IL7R: variants seen among roughly 807,000 people sequenced by gnomAD.
IL7R encodes interleukin-7 receptor subunit alpha.
A neutral mutation model predicts 47.0 loss-of-function variants in IL7R; 38 were observed. The observed-to-expected ratio is 0.81, with a 90% CI of 0.62 to 1.06. IL7R has a LOEUF of 1.06. Among genes scored for constraint, IL7R ranks in the 50% least tolerant of loss-of-function variants. IL7R has a pLI of 0.00. For synonymous variants in IL7R, 221 were observed against 199.8 expected (o/e 1.11, Z -0.89); for missense variants, 633 against 534.8 (o/e 1.18, Z -1.81).
At chr5:35,858,068 T>C (rs1759703451) in intron 1 of IL7R, among the ~76,000 whole-genome samples, 1 of 152,160 alleles carries the variant, frequency 6.6e-6, no homozygotes, top group Non-Finnish European at 1.5e-5. Flanking sequence ...TATTCTATGC[T>C]AAACTTTGCC....
intron 3 of IL7R, among the ~76,000 whole-genome samples, chr5:35,869,007 A>T (rs1321986406): frequency 6.6e-6 from 1 of 152,148 alleles, no homozygotes; most frequent in Non-Finnish European, 1.5e-5. Flanking sequence ...TGGAAGGGGT[A>T]GTGTGAGTCT....
At chr5:35,866,555 A>G (rs1270758224) in intron 2 of IL7R, among the ~76,000 whole-genome samples, 1 of 152,120 alleles carries the variant, frequency 6.6e-6, no homozygotes, top group Non-Finnish European at 1.5e-5. Flanking sequence ...GGGGAAGTTT[A>G]TTGATAATAA....
At chr5:35,866,884 T>C (rs950082799) in intron 2 of IL7R, among the ~76,000 whole-genome samples, 6 of 152,182 alleles carry the variant, frequency 3.9e-5, no homozygotes, top group Admixed American at 6.5e-5. Context: ...TAACCCTTTA[T>C]ACTATGTTAT....
In IL7R at chr5:35,873,461, A is replaced by G. The variant is rs1268794441; in HGVS notation, c.538-19A>G. 6.2e-7 allele frequency: 1 copy of G among 1,609,842 alleles called. No homozygotes were observed. Among genetic ancestry groups the G allele is most frequent in the African/African-American group, 1.3e-5 (1 of 74,820 alleles). Reference sequence around the variant, plus strand: ...CCTCTTTTCCCATCCTAAGAATGTAACTGCACTCTACTCTCTAGCATGTGA... The same window carrying G: ...CCTCTTTTCCCATCCTAAGAATGTAGCTGCACTCTACTCTCTAGCATGTGA... On this transcript the variant is annotated intron_variant, in intron 4 of 7. Transcript: ENST00000303115.
intron 4 of IL7R, among the ~76,000 whole-genome samples, chr5:35,872,941 T>C (rs1760106692): frequency 6.6e-6 from 1 of 151,836 alleles, no homozygotes; most frequent in Non-Finnish European, 1.5e-5. Context: ...TCAATAAATA[T>C]ATGAAAATGA....
chr5:35,862,160 T>C (rs1759836894), intron 2 of IL7R, among the ~76,000 whole-genome samples: 1 of 152,154 alleles, frequency 6.6e-6, no homozygotes, highest in Non-Finnish European at 1.5e-5. Flanking sequence ...GAATAAAATA[T>C]GTCAAAAGAA....
intron 2 of IL7R, among the ~76,000 whole-genome samples, chr5:35,864,488 C>T (rs10044838): frequency 0.69 from 104,369 of 152,040 alleles, 36,576 homozygotes; most frequent in African/African-American, 0.8. Context: ...TTCTACTCTC[C>T]TTCCAGCGAT....
At chr5:35,869,339 G>A (rs1445894195) in intron 3 of IL7R, among the ~76,000 whole-genome samples, 2 of 152,128 alleles carry the variant, frequency 1.3e-5, no homozygotes, top group Non-Finnish European at 2.9e-5. Flanking sequence ...CTGAAGTATT[G>A]CTTGATGAAT....
chr5:35,863,730 C>T (rs2149897262), intron 2 of IL7R, among the ~76,000 whole-genome samples: 1 of 152,230 alleles, frequency 6.6e-6, no homozygotes, highest in East Asian at 1.9e-4. Flanking sequence ...AAATTGGTAA[C>T]TGTGTTTATC....
chr5:35,863,164 A>G (rs1759860560), intron 2 of IL7R, among the ~76,000 whole-genome samples: 2 of 152,282 alleles, frequency 1.3e-5, no homozygotes, highest in South Asian at 2.1e-4. Flanking sequence ...AAAAGATAGC[A>G]GTTAACAAAA....
chr5:35,868,737 A>G (rs1326654890), intron 3 of IL7R, among the ~76,000 whole-genome samples: 13 of 152,180 alleles, frequency 8.5e-5, no homozygotes, highest in Non-Finnish European at 1.8e-4. Flanking sequence ...CAGTCTTCTG[A>G]CAAGGTCCTG....
chr5:35,873,795 GC>G (rs1226677730), intron 5 of IL7R, 147 bp downstream of exon 5: 1 of 786,004 alleles, frequency 1.3e-6, no homozygotes, highest in African/African-American at 1.7e-5. Flanking sequence ...AGAATGACTT[GC>G]CTGCTGTCTT....
In IL7R at chr5:35,871,119, TG is replaced by T; in HGVS notation, c.444del (p.Thr149HisfsTer12). On this transcript the variant is annotated frameshift_variant, in exon 4 of 8. Coordinates refer to ENST00000303115, the MANE Select transcript of IL7R (RefSeq NM_002185.5). LOFTEE classifies it high-confidence loss of function. ...CGGGAAGGAGCCAATGACTTTGTGG[TG>T]ACATTTAATACATCACACTTGCAAA... Reference protein sequence around the residue: ...VYREGANDFVVTFNTSHLQKK... With the variant: ...VYREGANDFVXTFNTSHLQKK... 6.2e-7 allele frequency: 1 copy of T among 1,611,966 alleles called. No homozygotes were observed. The highest frequency in any genetic ancestry group is 8.5e-7 in the Non-Finnish European group (1 of 1,177,992).
rs572371508 is a variant in IL7R at position 35,878,659 on chromosome 5, G to A, written c.*2173G>A. 4.3e-6 allele frequency: 1 copy of A among 232,708 alleles called. No individual in the cohort carries two copies. Among genetic ancestry groups the A allele is most frequent in the South Asian group, 1.8e-4 (1 of 5,504 alleles). The allele number at this position is 232,708 out of a possible 1,614,324, so 14.4% of individuals were successfully genotyped here. ...GAGGCTCCACAAAATCTCATGCCAG[G>A]TCTCTGATACCTTATTCACAGAAGT... is the stretch of plus-strand genomic sequence containing the variant. On this transcript the variant is annotated 3_prime_UTR_variant, in exon 8 of 8. Transcript: ENST00000303115.
rs1759884659 is a variant in IL7R, at chr5:35,864,155, C to T, written c.222-3151C>T. On this transcript the variant is annotated intron_variant, in intron 2 of 7. Transcript: ENST00000303115. ...CTCTTTATTCTTTTCTGTCTTCTTT[C>T]ATTTAACCAGTGTTTGTGAGAGTTA... 2.0e-5 allele frequency among the ~76,000 whole-genome samples: 3 copies of T among 152,088 alleles called. No homozygotes were observed. The South Asian group carries it at 6.2e-4, about 32-fold the overall frequency.
chr5:35,872,225 G>T (rs1289705796), intron 4 of IL7R, among the ~76,000 whole-genome samples: 1 of 152,136 alleles, frequency 6.6e-6, no homozygotes, highest in African/African-American at 2.4e-5. Context: ...TTGAGATGGA[G>T]TCTTGCTCAG....
intron 1 of IL7R, among the ~76,000 whole-genome samples, chr5:35,860,565 T>C (rs1227926147): frequency 1.3e-5 from 2 of 152,222 alleles, no homozygotes; most frequent in African/African-American, 4.8e-5. Context: ...CCTCTGGTTC[T>C]TTAACTCAGA....
In IL7R at chr5:35,878,859, G is replaced by T. The variant is rs1032938946; in HGVS notation, c.*2373G>T. The stretch of plus-strand genomic sequence containing the variant: ...GAAGAGATGACCATAGAAAAACATC[G>T]AGATATCTCCAGCTCTAAAATCCTT... On this transcript the variant is annotated 3_prime_UTR_variant, in exon 8 of 8. Transcript: ENST00000303115. 2 of 232,924 alleles carry T rather than the reference G, an allele frequency of 8.6e-6. No individual in the cohort carries two copies. Among genetic ancestry groups the T allele is most frequent in the Non-Finnish European group, 1.7e-5 (2 of 117,894 alleles). The allele number at this position is 232,924 out of a possible 1,614,324, so 14.4% of individuals were successfully genotyped here.
At chr5:35,871,256 G>C in intron 4 of IL7R, 43 bp downstream of exon 4, 1 of 1,534,926 alleles carries the variant, frequency 6.5e-7, no homozygotes, top group Non-Finnish European at 9.0e-7. Context: ...ACTTATGAAT[G>C]TTTTCTATTT....
Sources: allele counts gnomAD v4.1 joint callset (sites outside exome capture counted in the v4.1 genomes callset), GRCh38; gene constraint gnomAD v4.1.1; transcripts MANE v1.5; gene names NCBI Gene and HGNC (gene_info 2026-07-23, HGNC 2026-07-21).